CNTNAP2: variants seen among roughly 807,000 people sequenced by gnomAD.
CNTNAP2 encodes the protein contactin associated protein 2, also known as contactin-associated protein-like 2.
A neutral mutation model predicts 155.2 loss-of-function variants in CNTNAP2; 98 were observed. The ratio of observed to expected loss-of-function variants is 0.63; its 90% CI spans 0.54 to 0.75. The LOEUF (loss-of-function observed/expected upper bound fraction) is 0.75, where lower values mean the gene tolerates loss of function less well. CNTNAP2 is among the 30% of genes least tolerant of loss of function. The pLI, the probability that CNTNAP2 is intolerant of heterozygous loss-of-function variation, is 0.00. For missense variants in CNTNAP2, 1,727 were observed against 1,688.1 expected (o/e 1.02, Z -0.40); for synonymous variants, 651 against 631.2 (o/e 1.03, Z -0.47).
intron 1 of CNTNAP2, among the ~76,000 whole-genome samples, chr7:146,655,259 A>C (rs1799976596): frequency 6.6e-6 from 1 of 151,688 alleles, no homozygotes; most frequent in Non-Finnish European, 1.5e-5. Context: ...CTAAAAATAC[A>C]AAAAATTAGC....
At chr7:147,509,298 T>C (rs1798973183) in intron 11 of CNTNAP2, among the ~76,000 whole-genome samples, 1 of 152,348 alleles carries the variant, frequency 6.6e-6, no homozygotes, top group South Asian at 2.1e-4. Context: ...TTGTGGGATA[T>C]TTGCTTTTTG....
intron 16 of CNTNAP2, among the ~76,000 whole-genome samples, chr7:148,123,807 G>A (rs1174680655): frequency 1.3e-5 from 2 of 152,086 alleles, no homozygotes; most frequent in South Asian, 2.1e-4. Flanking sequence ...TAACAGAGAA[G>A]TAGGAAGACA....
At chr7:147,535,701 C>T (rs1297829842) in intron 11 of CNTNAP2, among the ~76,000 whole-genome samples, 1 of 152,132 alleles carries the variant, frequency 6.6e-6, no homozygotes, top group African/African-American at 2.4e-5. Flanking sequence ...AGGACTTTCT[C>T]CCCACTCAGG....
chr7:146,637,730 A>G (rs566618906), intron 1 of CNTNAP2, among the ~76,000 whole-genome samples: 7 of 152,168 alleles, frequency 4.6e-5, no homozygotes, highest in Admixed American at 2.6e-4. Context: ...GCAGAGTAGG[A>G]ATTGATTCCT....
chr7:148,001,971 G>A (rs867272275), intron 15 of CNTNAP2, among the ~76,000 whole-genome samples: 63 of 152,062 alleles, frequency 4.1e-4, no homozygotes, highest in African/African-American at 1.5e-3. Flanking sequence ...TTCTATGTCT[G>A]TACATTTTTT....
At chr7:147,739,033 C>G (rs1271860269) in intron 13 of CNTNAP2, among the ~76,000 whole-genome samples, 2 of 151,908 alleles carry the variant, frequency 1.3e-5, no homozygotes, top group East Asian at 3.9e-4. Flanking sequence ...TTCTGGCAGT[C>G]TTGAACCAAG....
chr7:146,263,170 T>A (rs570783604), intron 1 of CNTNAP2, among the ~76,000 whole-genome samples: 1 of 151,830 alleles, frequency 6.6e-6, no homozygotes, highest in Non-Finnish European at 1.5e-5. Context: ...TACAAAAAAA[T>A]TAGCCGGGCT....
intron 3 of CNTNAP2, among the ~76,000 whole-genome samples, chr7:146,911,693 T>C (rs981859165): frequency 6.7e-6 from 1 of 149,094 alleles, no homozygotes; most frequent in Non-Finnish European, 1.5e-5. Context: ...CATTTGGAGG[T>C]ATACCTAAGG....
chr7:147,946,650 A>T (rs1800824029), intron 14 of CNTNAP2, among the ~76,000 whole-genome samples: 1 of 151,934 alleles, frequency 6.6e-6, no homozygotes, highest in African/African-American at 2.4e-5. Context: ...GGCGAGAAAT[A>T]GTCGCTGAAG....
chr7:147,998,622 T>G (rs1194955588), intron 15 of CNTNAP2, among the ~76,000 whole-genome samples: 1 of 152,104 alleles, frequency 6.6e-6, no homozygotes, highest in Non-Finnish European at 1.5e-5. Flanking sequence ...TGGGGATTGG[T>G]GGAGTGGGTA....
chr7:146,932,339 A>G (rs1243077356), intron 3 of CNTNAP2, among the ~76,000 whole-genome samples: 7 of 151,616 alleles, frequency 4.6e-5, no homozygotes, highest in Non-Finnish European at 1.0e-4. Context: ...CAAAAACCAC[A>G]TGATTATCTC....
chr7:147,316,300 A>G (rs894149881), intron 9 of CNTNAP2, among the ~76,000 whole-genome samples: 1 of 152,114 alleles, frequency 6.6e-6, no homozygotes, highest in African/African-American at 2.4e-5. Context: ...TTATTATCAG[A>G]CATTTGTTGC....
At chr7:147,507,550 C>CTTTTTTTTTTTTTT (rs3052511) in intron 11 of CNTNAP2, among the ~76,000 whole-genome samples, 6 of 82,022 alleles carry the variant, frequency 7.3e-5, no homozygotes, top group Non-Finnish European at 6.7e-5. Context: ...CTCTTTCTTT[C>CTTTTTTTTTTTTTT]TTTTTTTTTT....
chr7:146,411,441 C>A (rs546715944), intron 1 of CNTNAP2, among the ~76,000 whole-genome samples: 268 of 152,120 alleles, frequency 1.8e-3, no homozygotes, highest in African/African-American at 6.3e-3. Context: ...CAGGTGAGAG[C>A]CCCTGTGCCC....
At chr7:146,655,462 T>C (rs1799982152) in intron 1 of CNTNAP2, among the ~76,000 whole-genome samples, 1 of 149,568 alleles carries the variant, frequency 6.7e-6, no homozygotes, top group African/African-American at 2.5e-5. Context: ...TTATTTTCAA[T>C]ATTACTGTCA....
intron 1 of CNTNAP2, among the ~76,000 whole-genome samples, chr7:146,297,353 T>C (rs1800531360): frequency 6.6e-6 from 1 of 152,112 alleles, no homozygotes; most frequent in South Asian, 2.1e-4. Context: ...ATCTTCAGTG[T>C]TGTCTATGGA....
chr7:147,365,485 A>G (rs1449561389), intron 9 of CNTNAP2, among the ~76,000 whole-genome samples: 1 of 151,520 alleles, frequency 6.6e-6, no homozygotes, highest in African/African-American at 2.4e-5. Context: ...TCTTTGTCAG[A>G]TGAATGTTTG....
chr7:147,659,458 G>A (rs533922213), intron 13 of CNTNAP2, among the ~76,000 whole-genome samples: 12 of 152,302 alleles, frequency 7.9e-5, no homozygotes, highest in African/African-American at 2.9e-4. Context: ...GGAAACTGTT[G>A]TGATAATAAA....
intron 14 of CNTNAP2, among the ~76,000 whole-genome samples, chr7:147,973,223 A>G (rs537930320): frequency 6.1e-4 from 91 of 150,302 alleles, no homozygotes; most frequent in African/African-American, 2.0e-3. Flanking sequence ...GTGCTGGTTA[A>G]ACCACTTTAC....
Sources: gnomAD v4.1 joint callset for allele counts (sites outside exome capture counted in the v4.1 genomes callset) on GRCh38, gnomAD v4.1.1 for gene constraint, MANE v1.5 for transcripts, NCBI Gene and HGNC (gene_info 2026-07-23, HGNC 2026-07-21) for gene names.